DOCK7: variants seen among roughly 807,000 people sequenced by gnomAD.
The protein encoded by DOCK7 is dedicator of cytokinesis 7.
Under a neutral mutation model 271.0 loss-of-function variants are expected in DOCK7, and 138 were observed. The ratio of observed to expected loss-of-function variants is 0.51; its 90% CI spans 0.44 to 0.59. The LOEUF (loss-of-function observed/expected upper bound fraction) is 0.59. DOCK7 is among the 20% of genes least tolerant of loss of function. The pLI is 0.00. For missense variants in DOCK7, 2,066 were observed against 2,592.4 expected, an observed-to-expected ratio of 0.80 and a Z score of 4.41; for synonymous variants, 823 against 876.1, an observed-to-expected ratio of 0.94 and a Z score of 1.07.
In DOCK7 at chr1:62,573,307, T is replaced by C. The variant is rs571158874; in HGVS notation, c.2112+3955A>G. ...GGGATGTAGTAATGATTGTAGACGA[T>C]GATGCTGGAGAAGTGGAAAAGACCA... On this transcript the variant is annotated intron_variant, in intron 18 of 49. Coordinates refer to ENST00000635253, the MANE Select transcript of DOCK7 (RefSeq NM_001367561.1). Among the ~76,000 whole-genome samples, 109 of 152,306 alleles carry C rather than the reference T, an allele frequency of 7.2e-4. 1 individual carries two copies. Among genetic ancestry groups the C allele is most frequent in the South Asian group, 6.6e-3 (32 of 4,830 alleles).
intron 2 of DOCK7, among the ~76,000 whole-genome samples, chr1:62,662,491 G>A (rs1003164424): frequency 3.3e-5 from 5 of 152,198 alleles, no homozygotes; most frequent in South Asian, 2.1e-4. Context: ...GGCCGGACGC[G>A]GTGGCTCACA....
rs543280618 is a variant in DOCK7, at chr1:62,681,549, A to T, written c.38+6678T>A. Among the ~76,000 whole-genome samples, 1,052 of 144,530 alleles carry T rather than the reference A, an allele frequency of 7.3e-3. 20 individuals carry two copies. Among genetic ancestry groups the T allele is most frequent in the African/African-American group, 0.026 (980 of 38,280 alleles). 94.8% of individuals were successfully genotyped at this position (144,530 alleles called of 152,430 possible). Reference sequence around the variant, plus strand: ...TAAAGTATAATAAAAAATAAAAAAAATAAAATAAAAATACAAAAAAAAAAA... The same window carrying T: ...TAAAGTATAATAAAAAATAAAAAAATTAAAATAAAAATACAAAAAAAAAAA... On this transcript the variant is annotated intron_variant, in intron 1 of 49. Coordinates refer to ENST00000635253, the MANE Select transcript of DOCK7 (RefSeq NM_001367561.1).
intron 14 of DOCK7, chr1:62,598,134 A>C (rs1323535719): frequency 1.3e-5 from 18 of 1,363,024 alleles, no homozygotes; most frequent in Non-Finnish European, 1.7e-5. Context: ...TTTCTAAGGC[A>C]TGCCATTTGA....
At chr1:62,606,572 A>C (rs1356310746) in intron 14 of DOCK7, among the ~76,000 whole-genome samples, 1 of 151,938 alleles carries the variant, frequency 6.6e-6, no homozygotes, top group Non-Finnish European at 1.5e-5. Flanking sequence ...CTTCCCTTTT[A>C]TCTCTCTACT....
intron 4 of DOCK7, among the ~76,000 whole-genome samples, chr1:62,650,998 A>G (rs2149686110): frequency 6.6e-6 from 1 of 152,264 alleles, no homozygotes; most frequent in African/African-American, 2.4e-5. Context: ...ATGCACACGT[A>G]TGTTTACTGC....
chr1:62,469,085 T>A (rs1465635106), intron 48 of DOCK7, among the ~76,000 whole-genome samples: 1 of 152,066 alleles, frequency 6.6e-6, no homozygotes, highest in South Asian at 2.1e-4. Flanking sequence ...AAAATTCACA[T>A]GGAACCAAAA....
At chr1:62,599,746 T>C (rs555700453) in intron 14 of DOCK7, among the ~76,000 whole-genome samples, 2 of 152,132 alleles carry the variant, frequency 1.3e-5, no homozygotes, top group Admixed American at 1.3e-4. Context: ...CTTGGATTAC[T>C]AGAAATAGTG....
At chr1:62,487,174 AT>A (rs1646318747) in intron 43 of DOCK7, 1 of 372,556 alleles carries the variant, frequency 2.7e-6, no homozygotes, top group Non-Finnish European at 4.9e-6. Context: ...AAAGAATCTC[AT>A]TAGTGTAACA....
intron 14 of DOCK7, 76 bp downstream of exon 14, chr1:62,618,630 T>A: frequency 1.5e-6 from 2 of 1,321,854 alleles, no homozygotes; most frequent in Non-Finnish European, 2.1e-6. Flanking sequence ...TTTTGGAGAG[T>A]TTATTCTAGT....
chr1:62,505,914 T>C lies in DOCK7; in HGVS notation c.4477-98A>G, dbSNP rs1646923448. ...ATGTATAAATAAAGGCCTCCCTGTATGTATAAGTAAAGTTTTAAAAGATAA... is the reference window on the plus strand; with the variant it reads ...ATGTATAAATAAAGGCCTCCCTGTACGTATAAGTAAAGTTTTAAAAGATAA... On this transcript the variant is annotated intron_variant, in intron 35 of 49. Transcript: ENST00000635253. The C allele has an allele frequency of 3.4e-6, 4 of 1,168,206 alleles. No individual in the cohort carries two copies. In the African/African-American group the frequency reaches 4.7e-5, roughly 14 times the overall value. 72.4% of individuals were successfully genotyped at this position (1,168,206 alleles called of 1,614,324 possible). A position where few individuals can be genotyped will look rare whatever the true frequency, so the allele number is the denominator to read the frequency against.
At chr1:62,522,784 AGTTT>A (rs969391238) in intron 31 of DOCK7, among the ~76,000 whole-genome samples, 50 of 152,244 alleles carry the variant, frequency 3.3e-4, no homozygotes, top group African/African-American at 1.1e-3. Context: ...ATATGTTATT[AGTTT>A]ATCACTTTAT....
intron 16 of DOCK7, among the ~76,000 whole-genome samples, chr1:62,582,620 A>G (rs1647174164): frequency 6.6e-6 from 1 of 151,180 alleles, no homozygotes; most frequent in Non-Finnish European, 1.5e-5. Flanking sequence ...AAAAAGATAA[A>G]ATGAATTGCT....
chr1:62,576,739 A>G (rs1198498516), intron 18 of DOCK7, among the ~76,000 whole-genome samples: 4 of 152,180 alleles, frequency 2.6e-5, no homozygotes, highest in Non-Finnish European at 5.9e-5. Context: ...GATTTTTCCA[A>G]TATTTGTGTT....
intron 49 of DOCK7, among the ~76,000 whole-genome samples, chr1:62,456,321 T>C (rs546541478): frequency 1.7e-4 from 26 of 152,254 alleles, no homozygotes; most frequent in African/African-American, 6.0e-4. Flanking sequence ...TAAACTTAAA[T>C]TCTAAAAAAG....
Position 62,475,756 on chromosome 1 carries a change from T to A in DOCK7, c.5912A>T (p.His1971Leu). ...CCTTGTTTTAATATAAGGAAAGGCA[T>A]GAGACGTAGTCAGAATGGTCTTCCT... ...FKRKTILTTS[H>L]AFPYIKTRVN... Residue 1971 changes from histidine (H) to leucine (L), a missense_variant, in exon 46 of 50, where the codon CAT becomes CTT. Transcript: ENST00000635253. 2 of 1,614,082 alleles carry A rather than the reference T, an allele frequency of 1.2e-6. No homozygotes were observed. Among genetic ancestry groups the A allele is most frequent in the Non-Finnish European group, 1.7e-6 (2 of 1,179,922 alleles).
intron 40 of DOCK7, among the ~76,000 whole-genome samples, chr1:62,493,250 A>G (rs1238992257): frequency 1.3e-5 from 2 of 152,198 alleles, no homozygotes; most frequent in South Asian, 2.1e-4. Flanking sequence ...GTTAATGAAA[A>G]AAGTCAGGTA....
intron 31 of DOCK7, among the ~76,000 whole-genome samples, chr1:62,520,633 G>C (rs1476984309): frequency 6.6e-6 from 1 of 152,162 alleles, no homozygotes; most frequent in African/African-American, 2.4e-5. Context: ...GGAGAAATAG[G>C]AACGCTTTTA....
At chr1:62,595,268 G>A (rs1469082283) in intron 14 of DOCK7, among the ~76,000 whole-genome samples, 1 of 152,108 alleles carries the variant, frequency 6.6e-6, no homozygotes. Context: ...CAAATGCATT[G>A]ATTAGTTCTA....
At chr1:62,511,828 A>AT (rs1027021949) in intron 33 of DOCK7, among the ~76,000 whole-genome samples, 7 of 152,008 alleles carry the variant, frequency 4.6e-5, no homozygotes, top group Non-Finnish European at 7.4e-5. Flanking sequence ...TATCATTTAC[A>AT]TTTTTTCCCA....
Sources: allele counts gnomAD v4.1 joint callset (sites outside exome capture counted in the v4.1 genomes callset), GRCh38; gene constraint gnomAD v4.1.1; transcripts MANE v1.5; gene names NCBI Gene and HGNC (gene_info 2026-07-23, HGNC 2026-07-21).